SHISA9: variants seen among roughly 807,000 people sequenced by gnomAD.
SHISA9 encodes the protein protein shisa-9.
Under a neutral mutation model 38.0 loss-of-function variants are expected in SHISA9, and 13 were observed. The ratio of observed to expected loss-of-function variants is 0.34; its 90% CI spans 0.22 to 0.54. The LOEUF (loss-of-function observed/expected upper bound fraction) is 0.54, where lower values mean the gene tolerates loss of function less well. SHISA9 is among the 20% of genes least tolerant of loss of function. SHISA9 has a pLI of 0.91. For synonymous variants in SHISA9, 275 were observed against 242.0 expected (o/e 1.14, Z -1.27); for missense variants, 538 against 575.8 (o/e 0.93, Z 0.67).
the SHISA9 span, among the ~76,000 whole-genome samples, chr16:13,261,926 A>G: frequency 2.0e-5 from 3 of 152,210 alleles, no homozygotes; most frequent in Non-Finnish European, 1.5e-5. Flanking sequence ...GTGGCTGAGG[A>G]TATCAGTAGG....
intron 2 of SHISA9, among the ~76,000 whole-genome samples, chr16:13,100,760 T>A (rs185960246): frequency 6.6e-6 from 1 of 152,284 alleles, no homozygotes; most frequent in Admixed American, 6.5e-5. Context: ...CAGGCTGGAG[T>A]GCAGTGATGT....
At chr16:12,962,741 G>A (rs890602895) in intron 2 of SHISA9, among the ~76,000 whole-genome samples, 2 of 152,214 alleles carry the variant, frequency 1.3e-5, no homozygotes, top group Non-Finnish European at 1.5e-5. Flanking sequence ...CTATGGTATT[G>A]TGTTATGGTG....
At chr16:13,434,419 G>GTTTTGTTTTTTTTTTTTT in the SHISA9 span, among the ~76,000 whole-genome samples, 1 of 64,566 alleles carries the variant, frequency 1.5e-5, no homozygotes, top group East Asian at 4.9e-4. Flanking sequence ...GACAAGCTAT[G>GTTTTGTTTTTTTTTTTTT]TTTTTTTTTT....
chr16:13,367,221 G>A, the SHISA9 span, among the ~76,000 whole-genome samples: 39 of 150,808 alleles, frequency 2.6e-4, no homozygotes, highest in Middle Eastern at 3.4e-3. Flanking sequence ...AGGATTATAC[G>A]TTTTGCCACT....
chr16:13,516,672 C>A, the SHISA9 span, among the ~76,000 whole-genome samples: 1,051 of 152,002 alleles, frequency 6.9e-3, 11 homozygotes, highest in African/African-American at 0.024. Context: ...TGGTGGCAGG[C>A]ACCTGTAATC....
chr16:13,089,548 G>A (rs1596640779), intron 2 of SHISA9, among the ~76,000 whole-genome samples: 2 of 152,294 alleles, frequency 1.3e-5, no homozygotes, highest in African/African-American at 4.8e-5. Flanking sequence ...ATGTGTCAAG[G>A]AATTTATCCA....
the SHISA9 span, among the ~76,000 whole-genome samples, chr16:13,312,406 C>T: frequency 7.2e-5 from 11 of 152,138 alleles, no homozygotes; most frequent in African/African-American, 2.7e-4. Flanking sequence ...CCTCCTGTCC[C>T]CCCCTCAGTC....
chr16:13,299,008 T>C, the SHISA9 span, among the ~76,000 whole-genome samples: 4 of 152,058 alleles, frequency 2.6e-5, no homozygotes, highest in Non-Finnish European at 5.9e-5. Context: ...TCTCCTTGGC[T>C]CTCCTCAGAG....
At chr16:13,112,787 G>C (rs1015481843) in intron 2 of SHISA9, among the ~76,000 whole-genome samples, 1 of 152,062 alleles carries the variant, frequency 6.6e-6, no homozygotes, top group East Asian at 1.9e-4. Flanking sequence ...CTGGTTCATG[G>C]CTCCCACTCG....
intron 2 of SHISA9, among the ~76,000 whole-genome samples, chr16:13,140,912 G>A (rs967099295): frequency 6.6e-6 from 1 of 152,148 alleles, no homozygotes; most frequent in African/African-American, 2.4e-5. Flanking sequence ...GGGCACTTAG[G>A]ATTATCTAGA....
At chr16:13,392,903 C>A in the SHISA9 span, among the ~76,000 whole-genome samples, 1 of 152,292 alleles carries the variant, frequency 6.6e-6, no homozygotes, top group Non-Finnish European at 1.5e-5. Flanking sequence ...TTAGAAGAAA[C>A]CAATTTTGTT....
intron 2 of SHISA9, among the ~76,000 whole-genome samples, chr16:13,054,241 T>C (rs1030188812): frequency 6.6e-6 from 1 of 152,164 alleles, no homozygotes; most frequent in East Asian, 1.9e-4. Context: ...AGTTTTGTCA[T>C]CTATAAAAAT....
the SHISA9 span, among the ~76,000 whole-genome samples, chr16:13,447,312 G>A: frequency 5.3e-5 from 8 of 152,220 alleles, no homozygotes; most frequent in Non-Finnish European, 1.2e-4. Context: ...AGTCTAGAAA[G>A]TGGTGGTTTG....
the SHISA9 span, among the ~76,000 whole-genome samples, chr16:13,507,364 T>C: frequency 1.3e-5 from 2 of 152,078 alleles, no homozygotes; most frequent in Non-Finnish European, 2.9e-5. Context: ...CCTCCAGATA[T>C]CTGCCCTGTA....
chr16:12,971,553 TCC>T (rs1024175706), intron 2 of SHISA9, among the ~76,000 whole-genome samples: 1 of 152,188 alleles, frequency 6.6e-6, no homozygotes, highest in African/African-American at 2.4e-5. Context: ...GAGGCAAGCC[TCC>T]TCCCTGTGCT....
chr16:13,386,935 G>C, the SHISA9 span, among the ~76,000 whole-genome samples: 3 of 151,956 alleles, frequency 2.0e-5, no homozygotes, highest in Admixed American at 1.3e-4. Context: ...TGTCTCTCTG[G>C]GCTACATATG....
the SHISA9 span, among the ~76,000 whole-genome samples, chr16:13,330,034 G>T: frequency 6.6e-6 from 1 of 152,222 alleles, no homozygotes; most frequent in African/African-American, 2.4e-5. Context: ...GATCAGCCAT[G>T]GCTTACTCAT....
At chr16:13,349,531 C>T in the SHISA9 span, among the ~76,000 whole-genome samples, 45 of 152,216 alleles carry the variant, frequency 3.0e-4, no homozygotes, top group Non-Finnish European at 5.7e-4. Context: ...GCCACTGCTG[C>T]ACTCACTGAT....
the SHISA9 span, among the ~76,000 whole-genome samples, chr16:13,367,110 A>G: frequency 1.3e-5 from 2 of 151,984 alleles, no homozygotes; most frequent in African/African-American, 2.4e-5. Context: ...CAGTACAAGG[A>G]GTTTCAATTA....
Sources: gnomAD v4.1 joint callset for allele counts (sites outside exome capture counted in the v4.1 genomes callset) on GRCh38, gnomAD v4.1.1 for gene constraint, MANE v1.5 for transcripts, NCBI Gene and HGNC (gene_info 2026-07-23, HGNC 2026-07-21) for gene names.